Variants in PLEKHA7 observed in about 807,000 individuals in gnomAD.
The protein encoded by PLEKHA7 is pleckstrin homology domain-containing family A member 7.
Under a neutral mutation model 170.0 loss-of-function variants are expected in PLEKHA7, and 104 were observed. The ratio of observed to expected loss-of-function variants is 0.61; its 90% CI spans 0.52 to 0.72. The LOEUF is 0.72. Among genes scored for constraint, PLEKHA7 ranks in the 30% least tolerant of loss-of-function variants. The pLI is 0.00. For missense variants in PLEKHA7, 1,615 were observed against 1,671.7 expected, an observed-to-expected ratio of 0.97 and a Z score of 0.59; for synonymous variants, 648 against 660.8, an observed-to-expected ratio of 0.98 and a Z score of 0.30.
At chr11:16,883,045 T>C (rs1250344837) in intron 3 of PLEKHA7, among the ~76,000 whole-genome samples, 4 of 152,284 alleles carry the variant, frequency 2.6e-5, no homozygotes, top group Non-Finnish European at 4.4e-5. Flanking sequence ...TCTAAGATCA[T>C]ATAACAAGCA....
intron 3 of PLEKHA7, among the ~76,000 whole-genome samples, chr11:17,006,186 C>T (rs1429147143): frequency 6.7e-6 from 1 of 149,018 alleles, no homozygotes; most frequent in African/African-American, 2.4e-5. Context: ...GCCTGACCAA[C>T]ATGTGAAACC....
intron 8 of PLEKHA7, among the ~76,000 whole-genome samples, chr11:16,845,213 G>T (rs1852294899): frequency 6.6e-6 from 1 of 152,228 alleles, no homozygotes; most frequent in South Asian, 2.1e-4. Context: ...AGCATGACTG[G>T]CACAGAGGAA....
chr11:16,963,944 A>G (rs1369151219), intron 3 of PLEKHA7, among the ~76,000 whole-genome samples: 1 of 152,234 alleles, frequency 6.6e-6, no homozygotes, highest in Admixed American at 6.5e-5. Context: ...CTCAAACAGA[A>G]GCACTCTTAG....
intron 3 of PLEKHA7, among the ~76,000 whole-genome samples, chr11:16,906,277 A>AGGAAGGAAGGAAGGAG (rs1857677676): frequency 6.5e-5 from 7 of 107,038 alleles, no homozygotes; most frequent in Admixed American, 6.5e-4. Flanking sequence ...GAAGGAAGGA[A>AGGAAGGAAGGAAGGAG]GGAAAGAAAG....
chr11:16,999,501 A>G (rs1054723031), intron 3 of PLEKHA7, among the ~76,000 whole-genome samples: 1 of 152,018 alleles, frequency 6.6e-6, no homozygotes. Flanking sequence ...AAGGCAGCAC[A>G]TTCCCAACCC....
At chr11:16,832,162 G>T (rs1416954793) in intron 9 of PLEKHA7, among the ~76,000 whole-genome samples, 1 of 152,142 alleles carries the variant, frequency 6.6e-6, no homozygotes, top group East Asian at 1.9e-4. Flanking sequence ...GTGATAAAAA[G>T]CCCACGTCCC....
intron 17 of PLEKHA7, among the ~76,000 whole-genome samples, chr11:16,800,647 G>C (rs540275614): frequency 5.3e-4 from 81 of 152,348 alleles, no homozygotes; most frequent in African/African-American, 1.8e-3. Context: ...ATGGGGCCAA[G>C]AACTACAGGA....
Position 16,826,281 on chromosome 11 carries a change from A to G in PLEKHA7, c.1182T>C (p.Asn394=). ...GGCCATATGAGGCAGGCAGCATTCC[A>G]TTCTTCTCTGCCCGTTGGGGCTGTG... ...QQAQPQRAEK[N]GMLPASYGPG... Residue 394 remains asparagine (N), a synonymous_variant, in exon 10 of 27, where the codon AAT becomes AAC. Coordinates refer to ENST00000531066, the MANE Select transcript of PLEKHA7 (RefSeq NM_001329630.2). The G allele has an allele frequency of 6.2e-7, 1 of 1,614,180 alleles. No homozygotes were observed. Among genetic ancestry groups the G allele is most frequent in the Middle Eastern group, 1.6e-4 (1 of 6,062 alleles).
chr11:16,959,892 AG>A (rs1861939604), intron 3 of PLEKHA7, among the ~76,000 whole-genome samples: 2 of 152,084 alleles, frequency 1.3e-5, no homozygotes. Flanking sequence ...ACCAGGAGGC[AG>A]GGCCTGCCTC....
At chr11:16,864,927 C>T (rs1197555503) in intron 4 of PLEKHA7, among the ~76,000 whole-genome samples, 3 of 152,116 alleles carry the variant, frequency 2.0e-5, no homozygotes, top group Non-Finnish European at 4.4e-5. Context: ...TGACACCTGC[C>T]TTTGCCCACC....
In PLEKHA7 at chr11:16,791,793, C is replaced by A; in HGVS notation, c.2746-594G>T. On this transcript the variant is annotated intron_variant, in intron 19 of 26. Coordinates refer to ENST00000531066, the MANE Select transcript of PLEKHA7 (RefSeq NM_001329630.2). This position sits in a 1 kb window ranked among gnomAD's most constrained non-coding sequence, Gnocchi z 4.5. The stretch of plus-strand genomic sequence containing the variant: ...GAACAGGCGGTCAGGATGAGTGACT[C>A]ACTGCCTACCATGCAGTTCATTCCC... 2.4e-6 allele frequency: 1 copy of A among 411,094 alleles called. No homozygotes were observed. The allele number at this position is 411,094 out of a possible 1,614,324, so 25.5% of individuals were successfully genotyped here. A position where few individuals can be genotyped will look rare whatever the true frequency, so the allele number is the denominator to read the frequency against.
rs1253257580 is a variant in PLEKHA7, at chr11:16,786,295, C to A, written c.3450G>T (p.Val1150=). 2 of 1,536,054 alleles carry A rather than the reference C, an allele frequency of 1.3e-6. No individual in the cohort carries two copies. The highest frequency in any genetic ancestry group is 1.4e-5 in the African/African-American group (1 of 73,062). The change falls in exon 24 of 27, where the codon GTG becomes GTT. Residue 1150 remains valine, a synonymous_variant. Transcript: ENST00000531066. ...KDKEENGWLK[V]QAMPVTELDL... The stretch of plus-strand genomic sequence containing the variant: ...CCAACTCAGTGACAGGCATGGCCTG[C>A]ACTTTCAACCAGCCATTCTCCTCCT...
intron 10 of PLEKHA7, among the ~76,000 whole-genome samples, chr11:16,824,467 GATT>G (rs1850478954): frequency 6.6e-6 from 1 of 152,202 alleles, no homozygotes; most frequent in African/African-American, 2.4e-5. Context: ...GTTACCCTGT[GATT>G]ATTATGCATT....
chr11:16,857,623 C>T (rs1451064857), intron 4 of PLEKHA7, among the ~76,000 whole-genome samples: 5 of 152,244 alleles, frequency 3.3e-5, no homozygotes, highest in Admixed American at 2.6e-4. Context: ...GGAAAAAGAG[C>T]TCTCAGGTTG....
At chr11:16,963,240 C>G (rs1213111832) in intron 3 of PLEKHA7, among the ~76,000 whole-genome samples, 1 of 152,192 alleles carries the variant, frequency 6.6e-6, no homozygotes, top group Non-Finnish European at 1.5e-5. Flanking sequence ...TTGGTATTTT[C>G]TAGACTTCAG....
Position 17,014,226 on chromosome 11 carries a change from T to C in PLEKHA7, c.87-25A>G, listed in dbSNP as rs541767414. ...ACTGCGGGCAGAGAGGTGCACCTGT[T>C]AGCGCCGCCACAGCCCGCCGGGTGC... On this transcript the variant is annotated intron_variant, in intron 1 of 26. Transcript: ENST00000531066. 91 of 1,490,980 alleles carry C rather than the reference T, an allele frequency of 6.1e-5. 2 individuals are homozygous for C. The South Asian group carries it at 9.8e-4, about 16-fold the overall frequency. The allele number at this position is 1,490,980 out of a possible 1,614,324, so 92.4% of individuals were successfully genotyped here.
intron 3 of PLEKHA7, among the ~76,000 whole-genome samples, chr11:16,989,676 C>T (rs1863921090): frequency 6.6e-6 from 1 of 152,194 alleles, no homozygotes; most frequent in Non-Finnish European, 1.5e-5. Flanking sequence ...TTTGTGGCCC[C>T]AGGATCTGGC....
chr11:16,889,419 AAATATATAT>A (rs1208116287), intron 3 of PLEKHA7, among the ~76,000 whole-genome samples: 28 of 106,686 alleles, frequency 2.6e-4, no homozygotes, highest in African/African-American at 1.1e-3. Flanking sequence ...AAAAAAAAAA[AAATATATAT>A]ATATATATAT....
intron 3 of PLEKHA7, among the ~76,000 whole-genome samples, chr11:16,933,349 G>C (rs1250464883): frequency 6.6e-6 from 1 of 152,170 alleles, no homozygotes; most frequent in Non-Finnish European, 1.5e-5. Flanking sequence ...AAAAGAAGTG[G>C]GGAAAAGCAG....
Sources: allele counts gnomAD v4.1 joint callset (sites outside exome capture counted in the v4.1 genomes callset), GRCh38; gene constraint gnomAD v4.1.1; non-coding constraint Gnocchi (gnomAD v3.1); transcripts MANE v1.5; gene names NCBI Gene and HGNC (gene_info 2026-07-23, HGNC 2026-07-21).